The following FER variants were observed in gnomAD, a reference collection of about 807,000 sequenced individuals.
FER encodes the protein tyrosine-protein kinase Fer.
In FER, 63 loss-of-function variants were observed where a neutral mutation model predicts 111.0. The observed-to-expected ratio is 0.57, with a 90% CI of 0.46 to 0.70. The LOEUF is 0.70. FER is among the 30% of genes least tolerant of loss of function. The pLI, the probability that FER is intolerant of heterozygous loss-of-function variation, is 0.00. For synonymous variants in FER, 327 were observed against 313.9 expected, an observed-to-expected ratio of 1.04 and a Z score of -0.44; for missense variants, 914 against 954.0, an observed-to-expected ratio of 0.96 and a Z score of 0.55.
At chr5:109,003,744 T>C (rs1765131831) in intron 13 of FER, among the ~76,000 whole-genome samples, 1 of 152,082 alleles carries the variant, frequency 6.6e-6, no homozygotes, top group South Asian at 2.1e-4. Context: ...CTTTGGGAGC[T>C]AGAGGTGGGA....
At chr5:108,866,896 C>T (rs1285507584) in intron 5 of FER, among the ~76,000 whole-genome samples, 1 of 152,078 alleles carries the variant, frequency 6.6e-6, no homozygotes, top group Non-Finnish European at 1.5e-5. Flanking sequence ...TAAATGTTTT[C>T]TAAATGACTA....
At chr5:108,827,525 G>A (rs1205015684) in intron 3 of FER, among the ~76,000 whole-genome samples, 1 of 152,018 alleles carries the variant, frequency 6.6e-6, no homozygotes, top group East Asian at 1.9e-4. Context: ...TCTTTTCTTA[G>A]ACTTAATTTT....
chr5:109,170,056 G>A (rs192029071), intron 17 of FER, among the ~76,000 whole-genome samples: 188 of 152,232 alleles, frequency 1.2e-3, no homozygotes, highest in Admixed American at 2.4e-3. Flanking sequence ...ATGGCACCTT[G>A]TGCATCACAG....
intron 1 of FER, among the ~76,000 whole-genome samples, chr5:108,762,136 A>G (rs1422640644): frequency 6.6e-6 from 1 of 151,934 alleles, no homozygotes; most frequent in African/African-American, 2.4e-5. Flanking sequence ...GCTGGTCTTG[A>G]ACTCCTTACG....
At chr5:108,768,434 G>C (rs1752553820) in intron 2 of FER, among the ~76,000 whole-genome samples, 196 bp downstream of exon 2, 1 of 151,972 alleles carries the variant, frequency 6.6e-6, no homozygotes, top group Non-Finnish European at 1.5e-5. Context: ...CCTCATTTGT[G>C]ACATAATTAT....
At chr5:108,770,399 G>A (rs570054903) in intron 2 of FER, among the ~76,000 whole-genome samples, 2 of 152,106 alleles carry the variant, frequency 1.3e-5, no homozygotes, top group South Asian at 4.2e-4. Flanking sequence ...AAGATTTTTG[G>A]CCAGTCCGAA....
chr5:108,888,534 A>G (rs1747519969), intron 9 of FER, among the ~76,000 whole-genome samples: 1 of 151,758 alleles, frequency 6.6e-6, no homozygotes, highest in African/African-American at 2.4e-5. Flanking sequence ...GTGTTCAGAC[A>G]TAGGAAATAG....
intron 13 of FER, 45 bp from the exon 14 acceptor site, chr5:109,037,377 G>A (rs753028760): frequency 6.5e-7 from 1 of 1,540,370 alleles, no homozygotes; most frequent in South Asian, 1.1e-5. Flanking sequence ...TTCAAGAAGT[G>A]TACCCTTGCT....
At position 108,965,839 on chromosome 5, in the gene FER, G is replaced by A. The variant is rs535198840; in HGVS notation, c.1656+6492G>A. On this transcript the variant is annotated intron_variant, in intron 13 of 19. Transcript: ENST00000281092. ...TGAAAGTCTAGCAGAGACTATAAGC[G>A]TGTTGTGCTAAGGGAAATACAGGGT... 3.2e-4 allele frequency among the ~76,000 whole-genome samples: 48 copies of A among 152,258 alleles called. No homozygotes were observed. In the South Asian group the frequency reaches 6.2e-3, roughly 20 times the overall value.
At position 109,100,542 on chromosome 5, in the gene FER, A is replaced by G. The variant is rs554145738; in HGVS notation, c.2048+23A>G. ...CAGGTAAGGAGAACATTTTTAAAGC[A>G]ATTTTTGGTTTTATTAATAGAATGC... On this transcript the variant is annotated intron_variant, in intron 17 of 19. Coordinates refer to ENST00000281092, the MANE Select transcript of FER (RefSeq NM_005246.4). 6.9e-6 allele frequency: 11 copies of G among 1,586,114 alleles called. No homozygotes were observed. The South Asian group carries it at 1.0e-4, about 15-fold the overall frequency.
chr5:108,927,615 G>T (rs1313779549), intron 10 of FER, among the ~76,000 whole-genome samples: 1 of 152,148 alleles, frequency 6.6e-6, no homozygotes, highest in Non-Finnish European at 1.5e-5. Context: ...GAAAGTCTTT[G>T]TGTTTTCAAG....
At chr5:108,883,303 G>T in intron 8 of FER, 93 bp from the exon 9 acceptor site, 1 of 1,213,396 alleles carries the variant, frequency 8.2e-7, no homozygotes, top group Non-Finnish European at 1.1e-6. Context: ...TACTGTTTTG[G>T]ACATTGCAAC....
intron 16 of FER, chr5:109,051,507 A>G: frequency 6.2e-7 from 1 of 1,606,188 alleles, no homozygotes; most frequent in East Asian, 2.2e-5. Flanking sequence ...GCCCCATTCG[A>G]TTTTGTTCTG....
chr5:108,782,692 G>T (rs1036359383), intron 2 of FER: 1 of 152,096 alleles, frequency 6.6e-6, no homozygotes, highest in African/African-American at 2.4e-5. Flanking sequence ...TGCCTAGGCT[G>T]ATCTTGAACT....
chr5:108,987,237 G>A (rs936527877), intron 13 of FER, among the ~76,000 whole-genome samples: 3 of 152,138 alleles, frequency 2.0e-5, no homozygotes, highest in African/African-American at 7.2e-5. Flanking sequence ...CATGAGGTCA[G>A]GATTTCGAGA....
chr5:108,802,177 A>G (rs1756731728), intron 3 of FER, among the ~76,000 whole-genome samples: 1 of 152,062 alleles, frequency 6.6e-6, no homozygotes, highest in African/African-American at 2.4e-5. Flanking sequence ...GTCTTTTCTA[A>G]ATGTTGTGCA....
At chr5:109,094,819 G>C (rs935432813) in intron 16 of FER, among the ~76,000 whole-genome samples, 1 of 152,092 alleles carries the variant, frequency 6.6e-6, no homozygotes, top group African/African-American at 2.4e-5. Context: ...AAAAATGTAA[G>C]TCAAATAAAT....
chr5:108,820,559 T>A, intron 3 of FER: 1 of 984,230 alleles, frequency 1.0e-6, no homozygotes. Context: ...TCTGGCCTGT[T>A]CTGTGTTTAG....
At chr5:109,059,467 G>T (rs1310216123) in intron 16 of FER, among the ~76,000 whole-genome samples, 2 of 152,156 alleles carry the variant, frequency 1.3e-5, no homozygotes, top group African/African-American at 4.8e-5. Context: ...GGCGGAGGTT[G>T]CAGTGAGCTG....
Sources: gnomAD v4.1 joint callset for allele counts (sites outside exome capture counted in the v4.1 genomes callset) on GRCh38, gnomAD v4.1.1 for gene constraint, MANE v1.5 for transcripts, NCBI Gene and HGNC (gene_info 2026-07-23, HGNC 2026-07-21) for gene names.